The following SRD5A2 variants were observed in gnomAD, a reference collection of about 807,000 sequenced individuals.
SRD5A2 encodes steroid 5 alpha-reductase 2.
Under a neutral mutation model 27.4 loss-of-function variants are expected in SRD5A2, and 30 were observed. That is an observed-to-expected ratio of 1.10 (90% confidence interval 0.82 to 1.49). SRD5A2 has a LOEUF of 1.49. SRD5A2 is among the 40% of genes most tolerant of loss of function. The pLI is 0.00. For synonymous variants in SRD5A2, 141 were observed against 133.6 expected (o/e 1.06, Z -0.38); for missense variants, 348 against 323.4 (o/e 1.08, Z -0.58).
At chr2:31,637,175 C>A in the SRD5A2 span, among the ~76,000 whole-genome samples, 1 of 151,968 alleles carries the variant, frequency 6.6e-6, no homozygotes, top group Non-Finnish European at 1.5e-5. Flanking sequence ...TTGAGGTTTT[C>A]TATTTCATCA....
chr2:31,590,667 T>C, the SRD5A2 span, among the ~76,000 whole-genome samples: 2 of 152,190 alleles, frequency 1.3e-5, no homozygotes, highest in African/African-American at 4.8e-5. Context: ...TCATGCTACC[T>C]GACTTCAAAC....
chr2:31,549,593 C>T (rs1440919908), intron 1 of SRD5A2, among the ~76,000 whole-genome samples: 1 of 152,066 alleles, frequency 6.6e-6, no homozygotes, highest in African/African-American at 2.4e-5. Context: ...AGTTACTATA[C>T]TAATTTCAGA....
upstream of SRD5A2, among the ~76,000 whole-genome samples, chr2:31,582,303 C>A (rs995231762): frequency 1.3e-5 from 2 of 152,144 alleles, no homozygotes; most frequent in East Asian, 3.9e-4. Flanking sequence ...CAGACACAAC[C>A]CCTCATCTGC....
the SRD5A2 span, among the ~76,000 whole-genome samples, chr2:31,638,654 A>G: frequency 2.6e-5 from 4 of 151,658 alleles, no homozygotes; most frequent in Non-Finnish European, 4.4e-5. Flanking sequence ...TGCTGTATTG[A>G]CCGCTTTATA....
At position 31,524,572 on chromosome 2, in the gene SRD5A2, A is replaced by C. The variant is rs1402815513; in HGVS notation, c.*1624T>G. ...TCCCAGGATATTTTAATTCAAACAA[A>C]ACTGCTTAACATCCATGATTTAAAG... On this transcript the variant is annotated 3_prime_UTR_variant, in exon 5 of 5. Transcript: ENST00000622030. The C allele has an allele frequency of 1.3e-5, 3 of 229,536 alleles. No individual in the cohort carries two copies. Among genetic ancestry groups the C allele is most frequent in the African/African-American group, 4.4e-5 (2 of 45,120 alleles). The allele number at this position is 229,536 out of a possible 1,614,324, so 14.2% of individuals were successfully genotyped here. A position where few individuals can be genotyped will look rare whatever the true frequency, so the allele number is the denominator to read the frequency against.
chr2:31,615,675 G>A, the SRD5A2 span, among the ~76,000 whole-genome samples: 2 of 152,188 alleles, frequency 1.3e-5, no homozygotes, highest in East Asian at 3.8e-4. Context: ...ATTTTCTGAG[G>A]AGAAATTCAA....
At chr2:31,612,649 A>G in the SRD5A2 span, among the ~76,000 whole-genome samples, 2 of 152,202 alleles carry the variant, frequency 1.3e-5, no homozygotes, top group African/African-American at 4.8e-5. Flanking sequence ...CATTTTTCAC[A>G]GAAATGGAAA....
intron 1 of SRD5A2, among the ~76,000 whole-genome samples, chr2:31,566,316 T>C (rs1666727241): frequency 6.6e-6 from 1 of 151,760 alleles, no homozygotes; most frequent in African/African-American, 2.4e-5. Context: ...GGAGAGCAAA[T>C]AAAATTCAAA....
chr2:31,619,853 G>A, the SRD5A2 span, among the ~76,000 whole-genome samples: 1 of 152,100 alleles, frequency 6.6e-6, no homozygotes, highest in Non-Finnish European at 1.5e-5. Flanking sequence ...TTTGTCAGAT[G>A]TATAGTTTGC....
At chr2:31,594,412 A>G in the SRD5A2 span, among the ~76,000 whole-genome samples, 1 of 152,336 alleles carries the variant, frequency 6.6e-6, no homozygotes, top group South Asian at 2.1e-4. Context: ...TTCTTATATC[A>G]GACAAAACAG....
chr2:31,658,556 TAA>T, the SRD5A2 span, among the ~76,000 whole-genome samples: 3 of 139,316 alleles, frequency 2.2e-5, no homozygotes, highest in Admixed American at 7.1e-5. Context: ...CCCACAGAAA[TAA>T]AAAAAAAAAA....
intron 1 of SRD5A2, among the ~76,000 whole-genome samples, chr2:31,548,081 T>C (rs1022108895): frequency 1.3e-5 from 2 of 151,890 alleles, no homozygotes; most frequent in Admixed American, 1.3e-4. Flanking sequence ...TAATACTATA[T>C]AGAAAAATTA....
chr2:31,551,482 TACTC>T (rs1666379967), intron 1 of SRD5A2, among the ~76,000 whole-genome samples: 1 of 152,196 alleles, frequency 6.6e-6, no homozygotes, highest in African/African-American at 2.4e-5. Context: ...ACCTTAAACT[TACTC>T]AGAACACTTA....
the SRD5A2 span, among the ~76,000 whole-genome samples, chr2:31,620,934 AATT>A: frequency 6.8e-6 from 1 of 147,104 alleles, no homozygotes; most frequent in African/African-American, 2.5e-5. Context: ...ATATATATAA[AATT>A]ATATTTTATG....
chr2:31,580,407 C>A (rs1225754351), intron 1 of SRD5A2, among the ~76,000 whole-genome samples: 1 of 152,204 alleles, frequency 6.6e-6, no homozygotes, highest in Non-Finnish European at 1.5e-5. Context: ...GGAGTGAAGG[C>A]GGCGTCTGTG....
chr2:31,528,371 A>G (rs1288962077), intron 4 of SRD5A2, among the ~76,000 whole-genome samples: 1 of 152,184 alleles, frequency 6.6e-6, no homozygotes, highest in Admixed American at 6.5e-5. Flanking sequence ...GGGCTCTGTG[A>G]TTACCTGAAC....
chr2:31,544,403 A>G (rs1278504905), intron 1 of SRD5A2, among the ~76,000 whole-genome samples: 2 of 151,958 alleles, frequency 1.3e-5, no homozygotes, highest in Non-Finnish European at 2.9e-5. Flanking sequence ...CAAAAGTAAA[A>G]CTGAAAAATC....
chr2:31,637,143 C>A, the SRD5A2 span, among the ~76,000 whole-genome samples: 1 of 151,978 alleles, frequency 6.6e-6, no homozygotes, highest in South Asian at 2.1e-4. Context: ...TGGCTTAGAT[C>A]TCATTACTTG....
At chr2:31,540,108 CTT>C (rs1666100886) in intron 1 of SRD5A2, among the ~76,000 whole-genome samples, 1 of 152,042 alleles carries the variant, frequency 6.6e-6, no homozygotes, top group African/African-American at 2.4e-5. Flanking sequence ...AATGACAACA[CTT>C]TTAAACTATG....
Sources: allele counts gnomAD v4.1 joint callset (sites outside exome capture counted in the v4.1 genomes callset), GRCh38; gene constraint gnomAD v4.1.1; transcripts MANE v1.5; gene names NCBI Gene and HGNC (gene_info 2026-07-23, HGNC 2026-07-21).